TGFBR3: variants seen among roughly 807,000 people sequenced by gnomAD.
TGFBR3 encodes transforming growth factor beta receptor type 3.
TGFBR3 carries 46 observed loss-of-function variants against 87.9 expected under a neutral mutation model. That is an observed-to-expected ratio of 0.52 (90% CI 0.41 to 0.67). The LOEUF is 0.67. TGFBR3 is among the 30% of genes least tolerant of loss of function. The pLI, the probability that TGFBR3 is intolerant of heterozygous loss-of-function variation, is 0.00. For missense variants in TGFBR3, 866 were observed against 1,041.9 expected, an observed-to-expected ratio of 0.83 and a Z score of 2.32; for synonymous variants, 381 against 391.6, an observed-to-expected ratio of 0.97 and a Z score of 0.32.
chr1:91,740,122 C>T (rs187066363), intron 4 of TGFBR3, among the ~76,000 whole-genome samples: 2 of 151,964 alleles, frequency 1.3e-5, no homozygotes, highest in Admixed American at 1.3e-4. Context: ...TGCAATGGTG[C>T]GATCTCGGCT....
At chr1:91,814,354 T>C (rs188689049) in intron 2 of TGFBR3, among the ~76,000 whole-genome samples, 2 of 152,306 alleles carry the variant, frequency 1.3e-5, no homozygotes. Context: ...TAGCTCATAA[T>C]TTATCCTAGA....
In TGFBR3 at chr1:91,775,163, G is replaced by C. The variant is rs986690529; in HGVS notation, c.247-16413C>G. 2.0e-5 allele frequency among the ~76,000 whole-genome samples: 3 copies of C among 152,128 alleles called. No individual in the cohort carries two copies. In the South Asian group the frequency reaches 6.2e-4, roughly 31 times the overall value. On this transcript the variant is annotated intron_variant, in intron 3 of 16. Coordinates refer to ENST00000212355, the MANE Select transcript of TGFBR3 (RefSeq NM_003243.5). ...GGAACTATTCGCATTTCTCCTTATA[G>C]AACCAATTCTCCGTTGTTAGCAAAC...
chr1:91,710,794 T>TGCCA (rs1671953789), intron 13 of TGFBR3, among the ~76,000 whole-genome samples: 1 of 152,118 alleles, frequency 6.6e-6, no homozygotes, highest in Non-Finnish European at 1.5e-5. Flanking sequence ...TGGCTTAAAG[T>TGCCA]CCCATTGGTG....
intron 4 of TGFBR3, among the ~76,000 whole-genome samples, chr1:91,744,768 C>T (rs760637492): frequency 6.6e-6 from 1 of 152,108 alleles, no homozygotes; most frequent in Non-Finnish European, 1.5e-5. Context: ...ATTATTTAAA[C>T]TCCAATAATC....
intron 1 of TGFBR3, among the ~76,000 whole-genome samples, chr1:91,873,798 A>C (rs1485512597): frequency 6.6e-6 from 1 of 152,112 alleles, no homozygotes; most frequent in Non-Finnish European, 1.5e-5. Context: ...AATACAAAAA[A>C]AATTGGCTGG....
intron 2 of TGFBR3, among the ~76,000 whole-genome samples, chr1:91,807,660 C>A (rs1021564705): frequency 6.6e-6 from 1 of 152,220 alleles, no homozygotes; most frequent in African/African-American, 2.4e-5. Context: ...ACTATACAAT[C>A]TGGACGTGCC....
At chr1:91,741,668 G>C (rs1199120161) in intron 4 of TGFBR3, among the ~76,000 whole-genome samples, 4 of 152,190 alleles carry the variant, frequency 2.6e-5, no homozygotes, top group Admixed American at 6.5e-5. Context: ...CATACAAAAA[G>C]GTACTTAACA....
intron 5 of TGFBR3, among the ~76,000 whole-genome samples, chr1:91,732,839 C>A (rs1672823909): frequency 2.0e-5 from 3 of 152,112 alleles, no homozygotes; most frequent in African/African-American, 7.2e-5. Flanking sequence ...AGTGACAACC[C>A]GTGGCTCTCA....
intron 16 of TGFBR3, among the ~76,000 whole-genome samples, chr1:91,692,295 T>C (rs762944252): frequency 1.2e-4 from 18 of 152,128 alleles, no homozygotes; most frequent in Non-Finnish European, 2.4e-4. Flanking sequence ...TCAGGTTATT[T>C]AGAAGTATGG....
At chr1:91,827,029 A>G (rs1676666639) in intron 2 of TGFBR3, among the ~76,000 whole-genome samples, 1 of 152,210 alleles carries the variant, frequency 6.6e-6, no homozygotes, top group African/African-American at 2.4e-5. Flanking sequence ...ACAGATGAAC[A>G]TAGTTGCCTT....
intron 15 of TGFBR3, among the ~76,000 whole-genome samples, chr1:91,697,363 C>T (rs1926261): frequency 0.77 from 117,808 of 152,102 alleles, 46,350 homozygotes; most frequent in African/African-American, 0.87. Context: ...GAATCAGCCA[C>T]GGAGACTAAT....
chr1:91,905,412 G>A (rs143710402), intron 1 of TGFBR3, among the ~76,000 whole-genome samples: 1 of 152,188 alleles, frequency 6.6e-6, no homozygotes, highest in Non-Finnish European at 1.5e-5. Flanking sequence ...ACTCACAACC[G>A]TTGACCAGTT....
Position 91,680,697 on chromosome 1 carries a change from C to T in TGFBR3, c.*3042G>A, listed in dbSNP as rs1193312609. The T allele has an allele frequency of 4.4e-6, 2 of 453,980 alleles. No homozygotes were observed. Among genetic ancestry groups the T allele is most frequent in the South Asian group, 3.1e-5 (2 of 64,466 alleles). The allele number at this position is 453,980 out of a possible 1,614,324, so 28.1% of individuals were successfully genotyped here. On this transcript the variant is annotated 3_prime_UTR_variant, in exon 17 of 17. Transcript: ENST00000212355. Reference sequence around the variant, plus strand: ...CATAGGACTCACCCAACAAAATGTGCTCTGTTAACACAACCAGCAGTACAA... The same window carrying T: ...CATAGGACTCACCCAACAAAATGTGTTCTGTTAACACAACCAGCAGTACAA...
chr1:91,891,114 T>C (rs1362956948), upstream of TGFBR3, among the ~76,000 whole-genome samples: 1 of 151,588 alleles, frequency 6.6e-6, no homozygotes, highest in Non-Finnish European at 1.5e-5. Context: ...GCCAGGCTGG[T>C]CTCGAGCTCT....
At position 91,729,285 on chromosome 1, in the gene TGFBR3, T is replaced by TACACACACACACAC. The variant is rs72204982; in HGVS notation, c.737+506_737+519dup. Among the ~76,000 whole-genome samples, 398 of 143,210 alleles carry TACACACACACACAC rather than the reference T, an allele frequency of 2.8e-3. 1 individual carries two copies. The highest frequency in any genetic ancestry group is 4.9e-3 in the African/African-American group (188 of 38,274). The allele number at this position is 143,210 out of a possible 152,430, so 94.0% of individuals were successfully genotyped here. ...ACTCCACCACACACGTGCATGCGCATACACACACACACACACACACACACA... is the reference window on the plus strand; with the variant it reads ...ACTCCACCACACACGTGCATGCGCATACACACACACACACACACACACACACACACACACACACA... On this transcript the variant is annotated intron_variant, in intron 6 of 16. Transcript: ENST00000212355.
intron 16 of TGFBR3, among the ~76,000 whole-genome samples, chr1:91,688,192 C>T (rs1338331511): frequency 1.3e-5 from 2 of 152,206 alleles, no homozygotes; most frequent in African/African-American, 4.8e-5. Context: ...TTCACAATGT[C>T]CTGCCTACTA....
intron 2 of TGFBR3, among the ~76,000 whole-genome samples, chr1:91,809,135 A>T (rs1317924325): frequency 6.6e-6 from 1 of 152,240 alleles, no homozygotes; most frequent in East Asian, 1.9e-4. Flanking sequence ...GCAAAGTAAG[A>T]CTTGCAGAGC....
chr1:91,826,744 T>TGA lies in TGFBR3; in HGVS notation c.62-29274_62-29273insTC, dbSNP rs376770677. On this transcript the variant is annotated intron_variant, in intron 2 of 16. Transcript: ENST00000212355. ...ATTCCCATTTTCTCCCATCCACTATTAAAAAAAAAAAAAAGGCCTGGCCAT... is the reference window on the plus strand; with the variant it reads ...ATTCCCATTTTCTCCCATCCACTATTGAAAAAAAAAAAAAAAGGCCTGGCCAT... Among the ~76,000 whole-genome samples, 14 of 139,400 alleles carry TGA rather than the reference T, an allele frequency of 1.0e-4. No individual in the cohort carries two copies. In the East Asian group the frequency reaches 2.8e-3, roughly 27 times the overall value. 91.5% of individuals were successfully genotyped at this position (139,400 alleles called of 152,430 possible). A position where few individuals can be genotyped will look rare whatever the true frequency, so the allele number is the denominator to read the frequency against.
At chr1:91,807,901 G>A (rs1183987124) in intron 2 of TGFBR3, among the ~76,000 whole-genome samples, 3 of 152,164 alleles carry the variant, frequency 2.0e-5, no homozygotes, top group Non-Finnish European at 4.4e-5. Flanking sequence ...TAGATCAAAT[G>A]ATGCACTATA....
Sources: allele counts gnomAD v4.1 joint callset (sites outside exome capture counted in the v4.1 genomes callset), GRCh38; gene constraint gnomAD v4.1.1; transcripts MANE v1.5; gene names NCBI Gene and HGNC (gene_info 2026-07-23, HGNC 2026-07-21).